Variants in IL1RAPL2 observed in about 807,000 individuals in gnomAD.
The protein encoded by IL1RAPL2 is X-linked interleukin-1 receptor accessory protein-like 2.
Under a neutral mutation model 44.1 loss-of-function variants are expected in IL1RAPL2, and 3 were observed. That is an observed-to-expected ratio of 0.07 (90% confidence interval 0.03 to 0.18). IL1RAPL2 has a LOEUF of 0.18. IL1RAPL2 is among the 10% of genes least tolerant of loss of function. The pLI, the probability that IL1RAPL2 is intolerant of heterozygous loss-of-function variation, is 1.00. For synonymous variants in IL1RAPL2, 181 were observed against 178.8 expected (o/e 1.01, Z -0.10); for missense variants, 391 against 496.4 (o/e 0.79, Z 2.02).
intron 5 of IL1RAPL2, among the ~76,000 whole-genome samples, chrX:105,360,678 T>C (rs907700718): frequency 9.0e-6 from 1 of 110,576 alleles, no homozygotes; most frequent in African/African-American, 3.3e-5. Context: ...GGAATAGTGT[T>C]ATAGGCAGAG....
chrX:105,739,367 CTTTAAG>C (rs937084502), intron 7 of IL1RAPL2, among the ~76,000 whole-genome samples: 19 of 104,073 alleles, frequency 1.8e-4, no homozygotes, highest in African/African-American at 6.6e-4. Context: ...ATTTATTATA[CTTTAAG>C]TTTTAGGGTA....
intron 5 of IL1RAPL2, among the ~76,000 whole-genome samples, chrX:105,284,818 G>A (rs1007287331): frequency 1.8e-5 from 2 of 111,374 alleles, no homozygotes; most frequent in African/African-American, 3.3e-5. Flanking sequence ...TAAGATTCAT[G>A]CATTTCTCAA....
intron 2 of IL1RAPL2, among the ~76,000 whole-genome samples, chrX:104,869,446 A>C (rs1569330182): frequency 8.9e-6 from 1 of 111,860 alleles, no homozygotes. Flanking sequence ...ATTTTAATAA[A>C]AACTTCTTCC....
intron 2 of IL1RAPL2, among the ~76,000 whole-genome samples, chrX:104,888,236 C>CAGAGAG (rs201487810): frequency 1.1e-5 from 1 of 88,498 alleles, no homozygotes; most frequent in African/African-American, 5.1e-5. Context: ...GACAGAAAGT[C>CAGAGAG]AGAGAGAGAG....
chrX:105,716,467 C>T (rs1234786893), intron 6 of IL1RAPL2, among the ~76,000 whole-genome samples: 1 of 111,646 alleles, frequency 9.0e-6, no homozygotes, highest in Non-Finnish European at 1.9e-5. Context: ...CCCCATTTTA[C>T]ACAGTGCCTT....
chrX:105,375,408 G>A, intron 5 of IL1RAPL2, among the ~76,000 whole-genome samples: 1 of 111,643 alleles, frequency 9.0e-6, no homozygotes, highest in Middle Eastern at 4.6e-3. Flanking sequence ...CTGCTCAGGA[G>A]GCTGAGGCAG....
chrX:104,788,082 T>C (rs1912775421), intron 2 of IL1RAPL2, among the ~76,000 whole-genome samples: 1 of 111,793 alleles, frequency 8.9e-6, no homozygotes, highest in African/African-American at 3.2e-5. Flanking sequence ...GGGGATGATT[T>C]TGGAAAAAGA....
chrX:105,063,272 C>A (rs2032097351), intron 2 of IL1RAPL2, among the ~76,000 whole-genome samples: 1 of 112,193 alleles, frequency 8.9e-6, no homozygotes, highest in African/African-American at 3.2e-5. Context: ...ATTTTAATCT[C>A]TTTGTTAAGT....
At chrX:104,693,958 T>A (rs765772801) in intron 2 of IL1RAPL2, among the ~76,000 whole-genome samples, 1 of 111,794 alleles carries the variant, frequency 8.9e-6, no homozygotes, top group African/African-American at 3.2e-5. Flanking sequence ...GTCTAGCCAA[T>A]CTTGCCAAAA....
intron 6 of IL1RAPL2, among the ~76,000 whole-genome samples, chrX:105,502,046 A>G (rs908149623): frequency 1.8e-5 from 2 of 112,291 alleles, no homozygotes; most frequent in African/African-American, 6.5e-5. Context: ...ATCTATTCCT[A>G]CTTGATGTTG....
At chrX:105,432,150 T>C (rs1243167253) in intron 5 of IL1RAPL2, among the ~76,000 whole-genome samples, 1 of 99,845 alleles carries the variant, frequency 1.0e-5, no homozygotes, top group Non-Finnish European at 2.0e-5. Context: ...TTTTTTTTTT[T>C]TTCACTTTTC....
At chrX:105,370,272 A>G (rs1337133952) in intron 5 of IL1RAPL2, among the ~76,000 whole-genome samples, 1 of 111,509 alleles carries the variant, frequency 9.0e-6, no homozygotes, top group Non-Finnish European at 1.9e-5. Context: ...AATTTGTTAC[A>G]TAGGCAAATT....
chrX:105,014,747 C>T (rs1441396067), intron 2 of IL1RAPL2, among the ~76,000 whole-genome samples: 1 of 112,325 alleles, frequency 8.9e-6, no homozygotes, highest in Non-Finnish European at 1.9e-5. Flanking sequence ...CAAGTCTTTG[C>T]TACTGTGAAC....
rs185358187 is a variant in IL1RAPL2, at chrX:105,440,114, T to G, written c.698-44199T>G. Among the ~76,000 whole-genome samples the G allele has an allele frequency of 6.4e-3, 716 of 112,007 alleles. 8 individuals are homozygous for G. The highest frequency in any genetic ancestry group is 0.022 in the African/African-American group (694 of 30,868). On this transcript the variant is annotated intron_variant, in intron 5 of 10. Coordinates refer to ENST00000372582, the MANE Select transcript of IL1RAPL2 (RefSeq NM_017416.2). ...AAGGGTTATCCTCTTGGAAAAGGAA[T>G]TCAATTTTGAATTATCCATACTACA...
At chrX:105,190,589 G>A (rs2147609918) in intron 2 of IL1RAPL2, among the ~76,000 whole-genome samples, 1 of 111,006 alleles carries the variant, frequency 9.0e-6, no homozygotes, top group East Asian at 2.8e-4. Flanking sequence ...GCTAGTATAG[G>A]GTACACATGC....
At chrX:105,082,173 G>T (rs2032418293) in intron 2 of IL1RAPL2, among the ~76,000 whole-genome samples, 2 of 111,394 alleles carry the variant, frequency 1.8e-5, no homozygotes, top group African/African-American at 6.5e-5. Flanking sequence ...GCTCTACTCG[G>T]AGATCCAATT....
chrX:104,588,767 CTGAATA>C (rs993502762), intron 1 of IL1RAPL2, among the ~76,000 whole-genome samples: 3 of 112,069 alleles, frequency 2.7e-5, no homozygotes, highest in African/African-American at 6.5e-5. Flanking sequence ...AACTTGACTT[CTGAATA>C]ATCTTCACTG....
At chrX:104,729,301 A>G (rs762619520) in intron 2 of IL1RAPL2, among the ~76,000 whole-genome samples, 96 of 111,035 alleles carry the variant, frequency 8.6e-4, no homozygotes, top group Non-Finnish European at 1.5e-3. Flanking sequence ...AAGCTTTAGA[A>G]GGCTAGTAGG....
chrX:104,793,093 G>A (rs1243337104), intron 2 of IL1RAPL2, among the ~76,000 whole-genome samples: 2 of 112,270 alleles, frequency 1.8e-5, no homozygotes, highest in Non-Finnish European at 3.8e-5. Context: ...CTGAGGTCAC[G>A]ACAAGAATGG....
Sources: allele counts gnomAD v4.1 joint callset (sites outside exome capture counted in the v4.1 genomes callset), GRCh38; gene constraint gnomAD v4.1.1; transcripts MANE v1.5; gene names NCBI Gene and HGNC (gene_info 2026-07-23, HGNC 2026-07-21).